Variants in VSIG10 observed in about 807,000 individuals in gnomAD.
VSIG10 encodes V-set and immunoglobulin domain containing 10.
VSIG10 carries 48 observed loss-of-function variants against 58.7 expected under a neutral mutation model. The ratio of observed to expected loss-of-function variants is 0.82; its 90% CI spans 0.65 to 1.04. The LOEUF is 1.04. VSIG10 is among the 50% of genes least tolerant of loss of function. The pLI, the probability that VSIG10 is intolerant of heterozygous loss-of-function variation, is 0.00. For missense variants in VSIG10, 628 were observed against 670.0 expected (o/e 0.94, Z 0.69); for synonymous variants, 260 against 267.1 (o/e 0.97, Z 0.26).
intron 2 of VSIG10, among the ~76,000 whole-genome samples, chr12:118,093,490 T>C (rs2033358378): frequency 6.6e-6 from 1 of 151,934 alleles, no homozygotes; most frequent in Admixed American, 6.6e-5. Flanking sequence ...ATTACAGGCA[T>C]GAGCCACAGC....
chr12:118,081,340 T>C (rs2032941116), intron 3 of VSIG10, among the ~76,000 whole-genome samples: 1 of 152,266 alleles, frequency 6.6e-6, no homozygotes, highest in East Asian at 1.9e-4. Context: ...TTTTTACTTT[T>C]TTTTGAGACG....
chr12:118,066,795 T>C, intron 8 of VSIG10, 101 bp from the exon 9 acceptor site: 1 of 1,299,012 alleles, frequency 7.7e-7, no homozygotes, highest in East Asian at 2.4e-5. Flanking sequence ...CCTTTCCTGG[T>C]GAGCCACAGA....
chr12:118,075,847 A>C (rs1477250584), intron 4 of VSIG10, among the ~76,000 whole-genome samples: 1 of 152,220 alleles, frequency 6.6e-6, no homozygotes, highest in East Asian at 1.9e-4. Context: ...TGAATGCTAC[A>C]GAACTAAATA....
At chr12:118,100,641 G>A (rs770717962) in intron 1 of VSIG10, among the ~76,000 whole-genome samples, 8 of 152,002 alleles carry the variant, frequency 5.3e-5, no homozygotes, top group Non-Finnish European at 1.0e-4. Flanking sequence ...CAATTCTCCC[G>A]CCTCAGTCTT....
intron 5 of VSIG10, 47 bp downstream of exon 5, chr12:118,073,652 C>A: frequency 6.5e-7 from 1 of 1,549,296 alleles, no homozygotes. Flanking sequence ...GCTGGGTGCT[C>A]TGAAGCTCTG....
chr12:118,097,192 T>C (rs1034346371), intron 1 of VSIG10, among the ~76,000 whole-genome samples: 2 of 152,096 alleles, frequency 1.3e-5, no homozygotes, highest in Non-Finnish European at 2.9e-5. Flanking sequence ...CCCACATCAC[T>C]GGGGGGCCAT....
intron 2 of VSIG10, among the ~76,000 whole-genome samples, chr12:118,084,146 G>T (rs1307602826): frequency 1.3e-5 from 2 of 152,202 alleles, no homozygotes; most frequent in East Asian, 3.9e-4. Flanking sequence ...AAAAGGAAAA[G>T]CTTTGCCAAA....
chr12:118,093,340 A>G (rs1273625585), intron 2 of VSIG10, among the ~76,000 whole-genome samples: 2 of 151,846 alleles, frequency 1.3e-5, no homozygotes, highest in African/African-American at 4.8e-5. Context: ...ATACAACAGC[A>G]GGCTGTAGTT....
intron 4 of VSIG10, among the ~76,000 whole-genome samples, chr12:118,075,143 T>C (rs1478275704): frequency 7.5e-6 from 1 of 133,766 alleles, no homozygotes; most frequent in Non-Finnish European, 1.6e-5. Context: ...TATGTATATA[T>C]GTGTATATGT....
chr12:118,103,792 C>A lies in VSIG10; in HGVS notation c.-121G>T. 3 of 951,464 alleles carry A rather than the reference C, an allele frequency of 3.2e-6. No individual in the cohort carries two copies. Among genetic ancestry groups the A allele is most frequent in the Non-Finnish European group, 4.3e-6 (3 of 693,942 alleles). 58.9% of individuals were successfully genotyped at this position (951,464 alleles called of 1,614,324 possible). ...CAGGTCCTCGGAACGGCAGAGTGGC[C>A]CCACTTCCTCGGCCCCCAGGAAGGA... On this transcript the variant is annotated 5_prime_UTR_variant, in exon 1 of 9. Transcript: ENST00000359236.
At chr12:118,095,146 G>A (rs370296955) in intron 2 of VSIG10, among the ~76,000 whole-genome samples, 1 of 151,910 alleles carries the variant, frequency 6.6e-6, no homozygotes, top group African/African-American at 2.4e-5. Flanking sequence ...CTTGTGACCC[G>A]CCCACCTTGG....
chr12:118,074,124 C>T (rs1688642094), intron 4 of VSIG10, 132 bp from the exon 5 acceptor site: 2 of 1,120,580 alleles, frequency 1.8e-6, no homozygotes, highest in East Asian at 2.7e-5. Flanking sequence ...GCTCTGTTGC[C>T]CAGGCTGGAG....
At position 118,082,114 on chromosome 12, in the gene VSIG10, G is replaced by T. The variant is rs779750982; in HGVS notation, c.664+13C>A. The T allele has an allele frequency of 2.5e-6, 4 of 1,609,278 alleles. No individual in the cohort carries two copies. Among genetic ancestry groups the T allele is most frequent in the Admixed American group, 1.7e-5 (1 of 59,870 alleles). On this transcript the variant is annotated intron_variant, in intron 3 of 8. Transcript: ENST00000359236. The stretch of plus-strand genomic sequence containing the variant: ...AGGGGAAGAAGCGGGGCAGAGGAGT[G>T]CTGCTTACGCACAGTAGACCAGGAG...
At chr12:118,081,303 T>C (rs2032940346) in intron 3 of VSIG10, among the ~76,000 whole-genome samples, 1 of 152,134 alleles carries the variant, frequency 6.6e-6, no homozygotes, top group Admixed American at 6.5e-5. Context: ...ATAAATGCAC[T>C]GAATGCCACT....
Position 118,073,774 on chromosome 12 carries a change from C to G in VSIG10, c.1144G>C (p.Asp382His), listed in dbSNP as rs1442133084. ...GCTCGGCAGATGTAGTAGCCCTCAT[C>G]CAGGTCCTGGGAGCAGTTGTGGATA... is the stretch of plus-strand genomic sequence containing the variant. ...LTIHNCSQDL[D>H]EGYYICRADS... The change falls in exon 5 of 9, where the codon GAT becomes CAT. Residue 382 changes from aspartate (D) to histidine (H), a missense_variant. Transcript: ENST00000359236. The G allele has an allele frequency of 6.2e-7, 1 of 1,613,906 alleles. No individual in the cohort carries two copies. Among genetic ancestry groups the G allele is most frequent in the African/African-American group, 1.3e-5 (1 of 74,936 alleles).
rs2033686852 is a variant in VSIG10, at chr12:118,103,925, G to C, written c.-254C>G. On this transcript the variant is annotated 5_prime_UTR_variant, in exon 1 of 9. Coordinates refer to ENST00000359236, the MANE Select transcript of VSIG10 (RefSeq NM_019086.6). The stretch of plus-strand genomic sequence containing the variant: ...GGAGGGAGGGCGCACCCCGCCCCCT[G>C]CGCCCGCCAGCCTACTCCTGCCGGC... 3 of 393,634 alleles carry C rather than the reference G, an allele frequency of 7.6e-6. No individual in the cohort carries two copies. The allele number at this position is 393,634 out of a possible 1,614,324, so 24.4% of individuals were successfully genotyped here. A position where few individuals can be genotyped will look rare whatever the true frequency, so the allele number is the denominator to read the frequency against.
rs112334514 is a variant in VSIG10, at chr12:118,098,924, T to TA, written c.80-3111_80-3110insT. ...AACTTTTTTTTTAAGAGATGGGGGT[T>TA]GGGGGGGGTCTCACTCTGATGTCCT... On this transcript the variant is annotated intron_variant, in intron 1 of 8. Transcript: ENST00000359236. Among the ~76,000 whole-genome samples the TA allele has an allele frequency of 7.8e-4, 116 of 147,978 alleles. 1 individual carries two copies. The highest frequency in any genetic ancestry group is 2.7e-3 in the African/African-American group (110 of 40,496).
At chr12:118,072,420 G>A (rs540892477) in intron 5 of VSIG10, among the ~76,000 whole-genome samples, 178 of 149,256 alleles carry the variant, frequency 1.2e-3, no homozygotes, top group Non-Finnish European at 2.0e-3. Flanking sequence ...AGCCGAGATC[G>A]CACCACTGCA....
intron 1 of VSIG10, 113 bp from the exon 2 acceptor site, chr12:118,095,927 T>TC (rs891399855): frequency 2.3e-5 from 26 of 1,128,356 alleles, no homozygotes; most frequent in Non-Finnish European, 2.9e-5. Flanking sequence ...TATGTTCTTT[T>TC]TTTTTTTTTT....
Sources: gnomAD v4.1 joint callset for allele counts (sites outside exome capture counted in the v4.1 genomes callset) on GRCh38, gnomAD v4.1.1 for gene constraint, MANE v1.5 for transcripts, NCBI Gene and HGNC (gene_info 2026-07-23, HGNC 2026-07-21) for gene names.